The following TCF12 variants were observed in gnomAD, a reference collection of about 807,000 sequenced individuals.
The protein encoded by TCF12 is DNA-binding protein HTF4.
Under a neutral mutation model 86.0 loss-of-function variants are expected in TCF12, and 45 were observed. The ratio of observed to expected loss-of-function variants is 0.52; its 90% CI spans 0.41 to 0.67. The LOEUF is 0.67. Among genes scored for constraint, TCF12 ranks in the 30% least tolerant of loss-of-function variants. The pLI, the probability that TCF12 is intolerant of heterozygous loss-of-function variation, is 0.00. For missense variants in TCF12, 881 were observed against 859.9 expected, an observed-to-expected ratio of 1.02 and a Z score of -0.31; for synonymous variants, 330 against 299.6, an observed-to-expected ratio of 1.10 and a Z score of -1.05.
intron 5 of TCF12, among the ~76,000 whole-genome samples, chr15:57,106,226 G>A (rs1415271085): frequency 6.6e-6 from 1 of 152,130 alleles, no homozygotes; most frequent in Non-Finnish European, 1.5e-5. Flanking sequence ...AAATTACATA[G>A]GTAGAAAAAA....
intron 5 of TCF12, among the ~76,000 whole-genome samples, chr15:57,121,853 A>G (rs968222299): frequency 1.3e-5 from 2 of 152,100 alleles, no homozygotes; most frequent in East Asian, 1.9e-4. Flanking sequence ...ATACAGCTCT[A>G]TTGTTCCTGG....
chr15:57,222,965 C>T (rs1417377748), intron 8 of TCF12, among the ~76,000 whole-genome samples: 2 of 151,376 alleles, frequency 1.3e-5, no homozygotes, highest in Non-Finnish European at 3.0e-5. Flanking sequence ...TGAGAAACAA[C>T]ACAGAAATCC....
chr15:57,147,587 A>G (rs1373707178), intron 5 of TCF12, among the ~76,000 whole-genome samples: 1 of 152,214 alleles, frequency 6.6e-6, no homozygotes, highest in Non-Finnish European at 1.5e-5. Flanking sequence ...AGAAAGTATA[A>G]AATAAAAAAC....
chr15:57,132,260 G>A (rs1184085640), intron 5 of TCF12, among the ~76,000 whole-genome samples: 1 of 152,102 alleles, frequency 6.6e-6, no homozygotes, highest in Non-Finnish European at 1.5e-5. Context: ...CATCAAATGT[G>A]TACATTTTTT....
At chr15:57,180,395 C>T (rs1486531705) in intron 6 of TCF12, among the ~76,000 whole-genome samples, 2 of 152,096 alleles carry the variant, frequency 1.3e-5, no homozygotes, top group Non-Finnish European at 2.9e-5. Flanking sequence ...TATAATAATT[C>T]TCCTTTTAGA....
At chr15:57,000,650 AT>A (rs2063971969) in intron 3 of TCF12, among the ~76,000 whole-genome samples, 1 of 152,192 alleles carries the variant, frequency 6.6e-6, no homozygotes, top group Admixed American at 6.5e-5. Context: ...AATCAATGAA[AT>A]TAAAAATAAG....
chr15:57,099,823 A>G (rs896310390), intron 5 of TCF12, among the ~76,000 whole-genome samples: 6 of 151,900 alleles, frequency 3.9e-5, no homozygotes, highest in East Asian at 1.9e-4. Flanking sequence ...AAAGCAATCA[A>G]CTGTGGCTTG....
intron 16 of TCF12, among the ~76,000 whole-genome samples, chr15:57,254,699 T>TA (rs1426189787): frequency 4.0e-5 from 6 of 149,848 alleles, no homozygotes; most frequent in East Asian, 2.0e-4. Flanking sequence ...CTACAAAAAA[T>TA]AAAAAAAAAT....
intron 5 of TCF12, among the ~76,000 whole-genome samples, chr15:57,118,744 T>C (rs1313816665): frequency 3.9e-5 from 6 of 152,218 alleles, no homozygotes; most frequent in Non-Finnish European, 8.8e-5. Context: ...CAGTTTTTCT[T>C]GTCTTGTTTA....
At chr15:57,017,289 A>G (rs1342018443) in intron 3 of TCF12, among the ~76,000 whole-genome samples, 4 of 152,244 alleles carry the variant, frequency 2.6e-5, no homozygotes, top group South Asian at 2.1e-4. Flanking sequence ...CAGCCTAGCA[A>G]TGCCATTTAA....
chr15:57,260,526 A>G (rs1366982982), intron 16 of TCF12, among the ~76,000 whole-genome samples: 1 of 152,188 alleles, frequency 6.6e-6, no homozygotes, highest in East Asian at 1.9e-4. Context: ...ATGTTATGTA[A>G]AACAGAATTA....
rs2061945196 is a variant in TCF12 at position 57,286,680 on chromosome 15, A to T, written c.*535A>T. The stretch of plus-strand genomic sequence containing the variant: ...TTCCCGGCATACCTATTAGTGTCTT[A>T]AAAAGGAAGGGAAAAGTCTTTTGTT... On this transcript the variant is annotated 3_prime_UTR_variant, in exon 21 of 21. Transcript: ENST00000333725. 2.2e-6 allele frequency: 1 copy of T among 456,456 alleles called. No homozygotes were observed. Among genetic ancestry groups the T allele is most frequent in the African/African-American group, 2.0e-5 (1 of 50,086 alleles). The allele number at this position is 456,456 out of a possible 1,614,324, so 28.3% of individuals were successfully genotyped here. A position where few individuals can be genotyped will look rare whatever the true frequency, so the allele number is the denominator to read the frequency against.
At chr15:57,156,348 A>G (rs551325052) in intron 5 of TCF12, among the ~76,000 whole-genome samples, 95 of 152,322 alleles carry the variant, frequency 6.2e-4, no homozygotes, top group Non-Finnish European at 1.1e-3. Context: ...TTAGGTAAAA[A>G]AAACTGAGGT....
chr15:56,977,026 A>T (rs1331085640), intron 3 of TCF12, among the ~76,000 whole-genome samples: 1 of 152,188 alleles, frequency 6.6e-6, no homozygotes, highest in Non-Finnish European at 1.5e-5. Flanking sequence ...ACCATATTGG[A>T]CAGTGCTGAT....
chr15:57,265,359 G>A (rs2060813480), intron 18 of TCF12, among the ~76,000 whole-genome samples: 1 of 151,976 alleles, frequency 6.6e-6, no homozygotes, highest in Admixed American at 6.6e-5. Context: ...GTTGAGTAAT[G>A]TGTCTGAATT....
At chr15:57,114,918 AT>A (rs530038287) in intron 5 of TCF12, among the ~76,000 whole-genome samples, 241 of 145,598 alleles carry the variant, frequency 1.7e-3, no homozygotes, top group Middle Eastern at 0.011. Context: ...TAAAATGAGG[AT>A]TTTTTTTTTT....
intron 5 of TCF12, among the ~76,000 whole-genome samples, chr15:57,101,843 C>T (rs1234217270): frequency 6.6e-6 from 1 of 152,048 alleles, no homozygotes; most frequent in Admixed American, 6.5e-5. Flanking sequence ...ATTACTAGTC[C>T]ACTTCACAGC....
At chr15:56,993,761 A>T (rs1345746687) in intron 3 of TCF12, among the ~76,000 whole-genome samples, 1 of 152,206 alleles carries the variant, frequency 6.6e-6, no homozygotes, top group Admixed American at 6.5e-5. Flanking sequence ...TAACCAAATG[A>T]ATCACTTGTT....
intron 8 of TCF12, among the ~76,000 whole-genome samples, chr15:57,202,329 C>T (rs147358826): frequency 0.04 from 6,127 of 152,022 alleles, 376 homozygotes; most frequent in Admixed American, 0.17. Context: ...TATGTTTTTA[C>T]TGATCAAATT....
Sources: gnomAD v4.1 joint callset for allele counts (sites outside exome capture counted in the v4.1 genomes callset) on GRCh38, gnomAD v4.1.1 for gene constraint, MANE v1.5 for transcripts, NCBI Gene and HGNC (gene_info 2026-07-23, HGNC 2026-07-21) for gene names.